HP1BP3: variants seen among roughly 807,000 people sequenced by gnomAD.
HP1BP3 encodes heterochromatin protein 1-binding protein 3.
In HP1BP3, 12 loss-of-function variants were observed where a neutral mutation model predicts 62.5. That is an observed-to-expected ratio of 0.19 (90% confidence interval 0.12 to 0.31). The LOEUF (loss-of-function observed/expected upper bound fraction) is 0.31. Ranked by LOEUF, HP1BP3 falls within the 10% of genes least tolerant of loss-of-function variation. The pLI, the probability that HP1BP3 is intolerant of heterozygous loss-of-function variation, is 1.00. For missense variants in HP1BP3, 502 were observed against 651.8 expected, an observed-to-expected ratio of 0.77 and a Z score of 2.50; for synonymous variants, 260 against 237.8, an observed-to-expected ratio of 1.09 and a Z score of -0.86.
chr1:20,782,640 C>T (rs978173661), intron 1 of HP1BP3, among the ~76,000 whole-genome samples: 13 of 151,240 alleles, frequency 8.6e-5, no homozygotes, highest in South Asian at 4.2e-4. Flanking sequence ...TGGTGGCTCA[C>T]GCCTGTATCT....
intron 7 of HP1BP3, 68 bp from the exon 8 acceptor site, chr1:20,765,599 C>G: frequency 3.1e-6 from 4 of 1,279,100 alleles, no homozygotes; most frequent in Non-Finnish European, 4.4e-6. Context: ...AACTCAAGGG[C>G]TTTCCTCAGT....
chr1:20,746,666 T>C (rs1277109151), intron 11 of HP1BP3, among the ~76,000 whole-genome samples: 2 of 152,194 alleles, frequency 1.3e-5, no homozygotes, highest in Non-Finnish European at 2.9e-5. Flanking sequence ...CAGATAAGTG[T>C]TCCTGTCTCT....
intron 9 of HP1BP3, among the ~76,000 whole-genome samples, chr1:20,755,937 C>A (rs1466088645): frequency 6.6e-6 from 1 of 152,036 alleles, no homozygotes; most frequent in Non-Finnish European, 1.5e-5. Flanking sequence ...GAAATGTGAA[C>A]AAAATGCAAA....
intron 6 of HP1BP3, among the ~76,000 whole-genome samples, chr1:20,770,638 G>C (rs2057015323): frequency 6.6e-6 from 1 of 151,946 alleles, no homozygotes; most frequent in Admixed American, 6.6e-5. Flanking sequence ...TTCAGTAGTA[G>C]GATTCCTTAC....
intron 8 of HP1BP3, among the ~76,000 whole-genome samples, chr1:20,760,372 T>A (rs1307783498): frequency 5.9e-5 from 9 of 152,228 alleles, no homozygotes; most frequent in Admixed American, 5.2e-4. Context: ...ATTCTGTCTC[T>A]ATTAACAATT....
intron 2 of HP1BP3, 80 bp downstream of exon 2, chr1:20,780,265 C>T (rs2057484362): frequency 2.0e-6 from 2 of 981,682 alleles, no homozygotes; most frequent in Admixed American, 3.5e-5. Flanking sequence ...AGGGAAGGAA[C>T]ATGTACCAAG....
intron 5 of HP1BP3, among the ~76,000 whole-genome samples, chr1:20,771,377 T>G (rs1375816347): frequency 2.0e-5 from 3 of 152,228 alleles, no homozygotes; most frequent in Admixed American, 2.0e-4. Context: ...AAGATGAATC[T>G]TTGGCATCAA....
At position 20,765,427 on chromosome 1, in the gene HP1BP3, G is replaced by GA; in HGVS notation, c.839dup (p.Ile281HisfsTer11). On this transcript the variant is annotated frameshift_variant, in exon 8 of 13. Transcript: ENST00000438032. LOFTEE classifies it high-confidence loss of function. ...AATACTGAGACACATATTTCCTGAT[G>GA]AGACTGTAGGAAGCTTCTTTAGGTT... The GA allele has an allele frequency of 6.2e-7, 1 of 1,613,380 alleles. No individual in the cohort carries two copies. Among genetic ancestry groups the GA allele is most frequent in the Non-Finnish European group, 8.5e-7 (1 of 1,179,508 alleles).
intron 8 of HP1BP3, among the ~76,000 whole-genome samples, chr1:20,758,994 G>A (rs931546306): frequency 5.3e-5 from 8 of 152,070 alleles, no homozygotes; most frequent in African/African-American, 7.2e-5. Flanking sequence ...CAAATACAAC[G>A]TGTGGGCCAT....
At position 20,744,674 on chromosome 1, in the gene HP1BP3, CCA is replaced by C; in HGVS notation, c.*121_*122del. ...AAACTGGTTTATTTAGAGTCCCTCC[CCA>C]CAATGTTCATAGGGGAGGAAAATAA... On this transcript the variant is annotated 3_prime_UTR_variant, in exon 13 of 13. Coordinates refer to ENST00000438032, the MANE Select transcript of HP1BP3 (RefSeq NM_001372052.1). The C allele has an allele frequency of 3.2e-6, 3 of 938,470 alleles. No homozygotes were observed. Among genetic ancestry groups the C allele is most frequent in the Non-Finnish European group, 4.7e-6 (3 of 636,620 alleles). 58.1% of individuals were successfully genotyped at this position (938,470 alleles called of 1,614,324 possible).
At chr1:20,780,320 G>C (rs768206876) in intron 2 of HP1BP3, 25 bp downstream of exon 2, 1 of 1,538,140 alleles carries the variant, frequency 6.5e-7, no homozygotes, top group South Asian at 1.1e-5. Flanking sequence ...CCAAGAGTGA[G>C]CTTCAAGAAT....
chr1:20,778,766 G>A (rs532440180), intron 3 of HP1BP3, among the ~76,000 whole-genome samples: 95 of 151,878 alleles, frequency 6.3e-4, no homozygotes, highest in African/African-American at 2.1e-3. Flanking sequence ...CACCAAGGAT[G>A]CATGTATTTT....
intron 11 of HP1BP3, among the ~76,000 whole-genome samples, chr1:20,747,054 T>G (rs1346383879): frequency 6.6e-6 from 1 of 152,156 alleles, no homozygotes; most frequent in East Asian, 1.9e-4. Flanking sequence ...CCTCTAAGAA[T>G]CTGTCATTAT....
chr1:20,755,767 A>G (rs1374124410), intron 9 of HP1BP3, among the ~76,000 whole-genome samples: 2 of 152,238 alleles, frequency 1.3e-5, no homozygotes, highest in East Asian at 1.9e-4. Context: ...ATGAATGGAT[A>G]AACAAAATGT....
At chr1:20,770,698 A>C (rs1015609785) in intron 6 of HP1BP3, among the ~76,000 whole-genome samples, 2 of 152,168 alleles carry the variant, frequency 1.3e-5, no homozygotes, top group African/African-American at 2.4e-5. Context: ...GCAGCCCCCC[A>C]AAAAATATCC....
chr1:20,767,667 A>G lies in HP1BP3; in HGVS notation c.655-3T>C, dbSNP rs1557660021. 2 of 1,584,128 alleles carry G rather than the reference A, an allele frequency of 1.3e-6. No individual in the cohort carries two copies. Among genetic ancestry groups the G allele is most frequent in the African/African-American group, 2.7e-5 (2 of 73,506 alleles). On this transcript the variant is annotated splice_region_variant and splice_polypyrimidine_tract_variant and intron_variant, in intron 6 of 12. Transcript: ENST00000438032. The stretch of plus-strand genomic sequence containing the variant: ...CCAGAAGCACCTTTTCCTTTAACCT[A>G]AAGTAAATTAATTTTTGTTATTCTA...
chr1:20,753,588 T>C (rs973005238), intron 9 of HP1BP3, among the ~76,000 whole-genome samples: 2 of 152,234 alleles, frequency 1.3e-5, no homozygotes, highest in Non-Finnish European at 1.5e-5. Context: ...ATGACCAATG[T>C]ATCGTGCTAC....
chr1:20,763,874 A>G (rs1046182388), intron 8 of HP1BP3, among the ~76,000 whole-genome samples: 2 of 152,184 alleles, frequency 1.3e-5, no homozygotes, highest in African/African-American at 4.8e-5. Context: ...TATATGATGT[A>G]TATGTATGTA....
Position 20,744,714 on chromosome 1 carries a change from A to T in HP1BP3, c.*83T>A. The T allele has an allele frequency of 8.0e-7, 1 of 1,248,080 alleles. No individual in the cohort carries two copies. The highest frequency in any genetic ancestry group is 1.1e-6 in the Non-Finnish European group (1 of 899,480). 77.3% of individuals were successfully genotyped at this position (1,248,080 alleles called of 1,614,324 possible). On this transcript the variant is annotated 3_prime_UTR_variant, in exon 13 of 13. Transcript: ENST00000438032. Reference sequence around the variant, plus strand: ...GGGAGGAAAATAATGTAATTTGAAAAGCATCAAAACTAAACAAATGCACAC... The same window carrying T: ...GGGAGGAAAATAATGTAATTTGAAATGCATCAAAACTAAACAAATGCACAC...
Sources: gnomAD v4.1 joint callset for allele counts (sites outside exome capture counted in the v4.1 genomes callset) on GRCh38, gnomAD v4.1.1 for gene constraint, MANE v1.5 for transcripts, NCBI Gene and HGNC (gene_info 2026-07-23, HGNC 2026-07-21) for gene names.